Variants in SATB1 observed in about 807,000 individuals in gnomAD.
The protein encoded by SATB1 is DNA-binding protein SATB1.
A neutral mutation model predicts 86.9 loss-of-function variants in SATB1; 11 were observed. The observed-to-expected ratio is 0.13, with a 90% CI of 0.08 to 0.21. The LOEUF (loss-of-function observed/expected upper bound fraction) is 0.21, where lower values mean the gene tolerates loss of function less well. SATB1 is among the 10% of genes least tolerant of loss of function. SATB1 has a pLI of 1.00. For synonymous variants in SATB1, 357 were observed against 357.2 expected, an observed-to-expected ratio of 1.00 and a Z score of 0.01; for missense variants, 551 against 937.6, an observed-to-expected ratio of 0.59 and a Z score of 5.39.
Position 18,347,254 on chromosome 3 carries a change from C to A in SATB1, c.*1916G>T, listed in dbSNP as rs2125119049. 6.6e-6 allele frequency: 1 copy of A among 152,206 alleles called. No individual in the cohort carries two copies. Among genetic ancestry groups the A allele is most frequent in the Admixed American group, 6.5e-5 (1 of 15,294 alleles). 9.4% of individuals were successfully genotyped at this position (152,206 alleles called of 1,614,324 possible). A position where few individuals can be genotyped will look rare whatever the true frequency, so the allele number is the denominator to read the frequency against. ...GATACCCCTACTAGCATCTAGGAAA[C>A]AAAGTGAGGGAGCAAATAAAAGAAA... On this transcript the variant is annotated 3_prime_UTR_variant, in exon 11 of 11. Coordinates refer to ENST00000338745, the MANE Select transcript of SATB1 (RefSeq NM_002971.6).
chr3:18,432,501 C>A (rs886909841), intron 2 of SATB1, among the ~76,000 whole-genome samples: 1 of 152,118 alleles, frequency 6.6e-6, no homozygotes, highest in South Asian at 2.1e-4. Context: ...CTGCTATGCC[C>A]ACCACCATAA....
chr3:18,414,116 A>G (rs1262623069), intron 5 of SATB1, among the ~76,000 whole-genome samples: 1 of 152,122 alleles, frequency 6.6e-6, no homozygotes, highest in Non-Finnish European at 1.5e-5. Context: ...GGCTAAGACT[A>G]ATATTCAGAA....
chr3:18,374,744 A>C (rs556559033), intron 9 of SATB1, among the ~76,000 whole-genome samples: 1 of 152,330 alleles, frequency 6.6e-6, no homozygotes, highest in African/African-American at 2.4e-5. Context: ...GTCACTGCAG[A>C]GCACGCTTTA....
At chr3:18,371,011 G>A (rs1301652492) in intron 9 of SATB1, among the ~76,000 whole-genome samples, 1 of 152,168 alleles carries the variant, frequency 6.6e-6, no homozygotes, top group African/African-American at 2.4e-5. Context: ...TCAACAAACT[G>A]GTAATAAGGA....
intron 10 of SATB1, chr3:18,350,407 G>GTA (rs1289245806): frequency 6.6e-6 from 1 of 152,194 alleles, no homozygotes; most frequent in Non-Finnish European, 1.5e-5. Context: ...TAAATTTAGT[G>GTA]TATACAGACA....
At chr3:18,438,957 G>A (rs1699161686), upstream of SATB1, among the ~76,000 whole-genome samples, 3 of 152,168 alleles carry the variant, frequency 2.0e-5, no homozygotes, top group Admixed American at 1.3e-4. Context: ...GCACCCCTAG[G>A]TATTCAAAAA....
chr3:18,410,460 G>C (rs1697775361), intron 5 of SATB1, among the ~76,000 whole-genome samples: 1 of 151,872 alleles, frequency 6.6e-6, no homozygotes, highest in South Asian at 2.1e-4. Context: ...TCAACATTCT[G>C]TGCCTCAGGT....
At chr3:18,406,133 C>T (rs1160097477) in intron 5 of SATB1, among the ~76,000 whole-genome samples, 1 of 151,986 alleles carries the variant, frequency 6.6e-6, no homozygotes, top group East Asian at 1.9e-4. Context: ...CAAACCAAGT[C>T]CCTAAGGCCC....
intron 2 of SATB1, among the ~76,000 whole-genome samples, chr3:18,431,567 C>T (rs1171614860): frequency 1.3e-5 from 2 of 152,206 alleles, no homozygotes; most frequent in Non-Finnish European, 2.9e-5. Flanking sequence ...GAGGAGAAGA[C>T]ATTCAGTTTT....
intron 2 of SATB1, among the ~76,000 whole-genome samples, chr3:18,432,902 A>G (rs1037780904): frequency 3.3e-5 from 5 of 152,140 alleles, no homozygotes; most frequent in Admixed American, 3.3e-4. Context: ...CAGAGAAACA[A>G]TGAGCTACAT....
At chr3:18,421,149 T>G (rs1698379755) in intron 1 of SATB1, 158 bp from the exon 2 acceptor site, 1 of 584,866 alleles carries the variant, frequency 1.7e-6, no homozygotes, top group African/African-American at 1.9e-5. Flanking sequence ...ACTATATTTC[T>G]AGATGATAGC....
chr3:18,444,621 T>TG lies in SATB1; in HGVS notation c.-25+896dup. 1 of 984,552 alleles carries TG rather than the reference T, an allele frequency of 1.0e-6. No individual in the cohort carries two copies. The highest frequency in any genetic ancestry group is 4.7e-5 in the South Asian group (1 of 21,242). The allele number at this position is 984,552 out of a possible 1,614,324, so 61.0% of individuals were successfully genotyped here. A position where few individuals can be genotyped will look rare whatever the true frequency, so the allele number is the denominator to read the frequency against. On this transcript the variant is annotated intron_variant, in intron 1 of 3. Transcript: ENST00000415069. The surrounding 1 kb of genome is among the most constrained non-coding windows in gnomAD (Gnocchi z 5.1). ...GCAGAACTCACTCAGGCATGGACGT[T>TG]GGGGGCGGCGGTGGCTGTCGAGTGC...
rs1030696666 is a variant in SATB1 at position 18,398,780 on chromosome 3, CATTCTT to C, written c.640-1496_640-1491del. Reference sequence around the variant, plus strand: ...TTCACATTTTATATCTCTAAAAAGACATTCTTAATGTGTTCATGATGCTCTGCCATT... The same window carrying C: ...TTCACATTTTATATCTCTAAAAAGACAATGTGTTCATGATGCTCTGCCATT... On this transcript the variant is annotated intron_variant, in intron 5 of 10. Coordinates refer to ENST00000338745, the MANE Select transcript of SATB1 (RefSeq NM_002971.6). Among the ~76,000 whole-genome samples, 34 of 152,158 alleles carry C rather than the reference CATTCTT, an allele frequency of 2.2e-4. 1 individual carries two copies. Among genetic ancestry groups the C allele is most frequent in the African/African-American group, 7.7e-4 (32 of 41,528 alleles).
chr3:18,372,856 T>C (rs924242198), intron 9 of SATB1, among the ~76,000 whole-genome samples: 2 of 152,216 alleles, frequency 1.3e-5, no homozygotes, highest in Admixed American at 6.5e-5. Context: ...TTGTTATAAA[T>C]GGCCACTAAT....
At position 18,399,562 on chromosome 3, in the gene SATB1, G is replaced by A. The variant is rs115589483; in HGVS notation, c.640-2272C>T. Among the ~76,000 whole-genome samples, 570 of 152,122 alleles carry A rather than the reference G, an allele frequency of 3.7e-3. 6 individuals carry two copies. Among genetic ancestry groups the A allele is most frequent in the African/African-American group, 0.012 (499 of 41,500 alleles). On this transcript the variant is annotated intron_variant, in intron 5 of 10. Transcript: ENST00000338745. ...AGTGCTATACAGTTTATTATTATTC[G>A]TACATGGAAAATAATATCCATATGT... is the stretch of plus-strand genomic sequence containing the variant.
chr3:18,365,769 A>G lies in SATB1; in HGVS notation c.1575+12401T>C, dbSNP rs896798231. On this transcript the variant is annotated intron_variant, in intron 9 of 10. Coordinates refer to ENST00000338745, the MANE Select transcript of SATB1 (RefSeq NM_002971.6). ...GTTTAGAAATTAAGCTTGATGGATA[A>G]GGCTTTCGTCCTTATGGTTATCCAG... is the stretch of plus-strand genomic sequence containing the variant. 1.6e-4 allele frequency among the ~76,000 whole-genome samples: 24 copies of G among 152,348 alleles called. 1 individual carries two copies. Among genetic ancestry groups the G allele is most frequent in the African/African-American group, 5.3e-4 (22 of 41,580 alleles).
At position 18,416,104 on chromosome 3, in the gene SATB1, C is replaced by G. The variant is rs1391017307; in HGVS notation, c.418G>C (p.Val140Leu). 1.2e-6 allele frequency: 2 copies of G among 1,609,200 alleles called. No homozygotes were observed. Among genetic ancestry groups the G allele is most frequent in the South Asian group, 1.1e-5 (1 of 90,566 alleles). The change falls in exon 4 of 11, where the codon GTT becomes CTT. Residue 140 changes from valine to leucine, a missense_variant. Physicochemically the swap from Val to Leu is conservative, Grantham distance 32 (BLOSUM62 1). Coordinates refer to ENST00000338745, the MANE Select transcript of SATB1 (RefSeq NM_002971.6). ...GCATCTGTCACGTAAGACAGTGGAA[C>G]TGGATTCCACTTTCCAACCTGGATT... ...GLIQVGKWNPVPLSYVTDAPD... is the reference protein window; with the variant it reads ...GLIQVGKWNPLPLSYVTDAPD...
chr3:18,391,512 A>C, intron 7 of SATB1, among the ~76,000 whole-genome samples: 1 of 142,694 alleles, frequency 7.0e-6, no homozygotes, highest in Non-Finnish European at 1.5e-5. Context: ...ATATCTCCCA[A>C]TGCTATCCCT....
At chr3:18,378,692 T>C (rs1248257715) in intron 8 of SATB1, among the ~76,000 whole-genome samples, 1 of 152,202 alleles carries the variant, frequency 6.6e-6, no homozygotes, top group African/African-American at 2.4e-5. Flanking sequence ...AAAATCATAA[T>C]GCACAGTGCT....
Sources: gnomAD v4.1 joint callset for allele counts (sites outside exome capture counted in the v4.1 genomes callset) on GRCh38, gnomAD v4.1.1 for gene constraint, Gnocchi (gnomAD v3.1) non-coding constraint, MANE v1.5 for transcripts, NCBI Gene and HGNC (gene_info 2026-07-23, HGNC 2026-07-21) for gene names.